Variants in GPR89A observed in about 807,000 individuals in gnomAD.
GPR89A encodes the protein golgi pH regulator A.
A neutral mutation model predicts 52.0 loss-of-function variants in GPR89A; 16 were observed. The observed-to-expected ratio is 0.31, with a 90% CI of 0.21 to 0.47. The LOEUF (loss-of-function observed/expected upper bound fraction) is 0.47, where lower values mean the gene tolerates loss of function less well. GPR89A is among the 20% of genes least tolerant of loss of function. The pLI is 1.00. For missense variants in GPR89A, 135 were observed against 449.4 expected (o/e 0.30, Z 6.33); for synonymous variants, 55 against 150.9 (o/e 0.36, Z 4.66).
At chr1:145,610,085 C>G (rs1553685856) in intron 1 of GPR89A, among the ~76,000 whole-genome samples, 4 of 152,012 alleles carry the variant, frequency 2.6e-5, no homozygotes, top group East Asian at 1.9e-4. Context: ...CTTGTTCTCT[C>G]CTGTATTCAC....
chr1:145,640,245 C>A, intron 7 of GPR89A, among the ~76,000 whole-genome samples: 2 of 62,398 alleles, frequency 3.2e-5, no homozygotes, highest in Admixed American at 2.1e-4. Context: ...AGATAATAGA[C>A]TAAAATGTAA....
intron 10 of GPR89A, among the ~76,000 whole-genome samples, chr1:145,649,616 G>T (rs1317677557): frequency 6.6e-6 from 1 of 152,116 alleles, no homozygotes; most frequent in African/African-American, 2.4e-5. Flanking sequence ...GAACACTTGT[G>T]TACAATTTTG....
intron 11 of GPR89A, among the ~76,000 whole-genome samples, chr1:145,664,632 AGAGT>A (rs1218488421): frequency 1.3e-5 from 2 of 148,200 alleles, no homozygotes; most frequent in African/African-American, 2.5e-5. Context: ...TCTGGGCGAC[AGAGT>A]GAGACCCCTG....
chr1:145,623,348 A>G, intron 4 of GPR89A, 188 bp downstream of exon 4: 1 of 591,876 alleles, frequency 1.7e-6, no homozygotes, highest in Non-Finnish European at 2.9e-6. Context: ...TAAATATTGA[A>G]TGAATGATTA....
At chr1:145,627,273 A>G (rs1649576644) in intron 5 of GPR89A, among the ~76,000 whole-genome samples, 2 of 152,032 alleles carry the variant, frequency 1.3e-5, no homozygotes, top group Middle Eastern at 3.4e-3. Flanking sequence ...ATATGTAATA[A>G]AAGGACAAAG....
chr1:145,658,287 C>T (rs1651951305), intron 10 of GPR89A, among the ~76,000 whole-genome samples: 2 of 150,202 alleles, frequency 1.3e-5, no homozygotes, highest in Non-Finnish European at 3.0e-5. Flanking sequence ...TTTTAAGGTA[C>T]ATCCATGTCA....
chr1:145,655,408 G>A (rs1553694343), intron 10 of GPR89A, among the ~76,000 whole-genome samples: 2 of 151,304 alleles, frequency 1.3e-5, no homozygotes, highest in African/African-American at 4.9e-5. Context: ...CACCGTTTTT[G>A]TGTTGATTCT....
intron 10 of GPR89A, among the ~76,000 whole-genome samples, chr1:145,661,887 CTT>C (rs1652227392): frequency 6.7e-6 from 1 of 148,954 alleles, no homozygotes; most frequent in African/African-American, 2.5e-5. Flanking sequence ...TTGATTTCTT[CTT>C]TGATTCATGG....
intron 7 of GPR89A, among the ~76,000 whole-genome samples, chr1:145,634,907 G>A (rs1650117911): frequency 6.6e-6 from 1 of 151,848 alleles, no homozygotes; most frequent in Non-Finnish European, 1.5e-5. Flanking sequence ...TAGATGCTAG[G>A]GATAGAATGA....
At chr1:145,622,924 T>C in intron 3 of GPR89A, 130 bp from the exon 4 acceptor site, 5 of 1,418,168 alleles carry the variant, frequency 3.5e-6, no homozygotes, top group Non-Finnish European at 4.8e-6. Context: ...TTTAAGAGCC[T>C]AGTAGGCTGA....
At chr1:145,657,960 GAACATTTTTATC>G (rs1651922634) in intron 10 of GPR89A, among the ~76,000 whole-genome samples, 1 of 151,426 alleles carries the variant, frequency 6.6e-6, no homozygotes, top group African/African-American at 2.4e-5. Flanking sequence ...ATCAATTTTT[GAACATTTTTATC>G]AAGCCAAAAA....
At chr1:145,608,204 C>T (rs376536359) in intron 1 of GPR89A, 29 bp downstream of exon 1, 5 of 1,613,778 alleles carry the variant, frequency 3.1e-6, no homozygotes, top group Non-Finnish European at 4.2e-6. Context: ...CCCCGACACC[C>T]GTCCGCCTCC....
intron 1 of GPR89A, among the ~76,000 whole-genome samples, chr1:145,615,310 C>T (rs1648593998): frequency 6.6e-6 from 1 of 152,056 alleles, no homozygotes; most frequent in Admixed American, 6.6e-5. Flanking sequence ...GTCTCAACTC[C>T]TCTCCCCTGA....
chr1:145,655,140 C>A (rs1651724753), intron 10 of GPR89A, among the ~76,000 whole-genome samples: 1 of 149,780 alleles, frequency 6.7e-6, no homozygotes, highest in Non-Finnish European at 1.5e-5. Context: ...TTTTCAGCTC[C>A]ATCACATTGT....
At chr1:145,617,670 G>A (rs1480134580) in intron 2 of GPR89A, among the ~76,000 whole-genome samples, 9 of 151,970 alleles carry the variant, frequency 5.9e-5, no homozygotes, top group East Asian at 1.9e-4. Flanking sequence ...CTTCTGCTGC[G>A]GCTTCAGCCA....
At position 145,647,408 on chromosome 1, in the gene GPR89A, T is replaced by C. The variant is rs1651072454; in HGVS notation, c.909+141T>C. 3.5e-6 allele frequency: 4 copies of C among 1,129,652 alleles called. No homozygotes were observed. In the East Asian group the frequency reaches 7.7e-5, roughly 22 times the overall value. 70.0% of individuals were successfully genotyped at this position (1,129,652 alleles called of 1,614,324 possible). ...CAGAGAGCATGATCTTCCACATCTC[T>C]GGGCTTCATTCGTTATCCTCTCTCC... On this transcript the variant is annotated intron_variant, in intron 10 of 13. Transcript: ENST00000313835.
At chr1:145,632,116 AT>A (rs1318076816) in intron 7 of GPR89A, among the ~76,000 whole-genome samples, 3 of 150,132 alleles carry the variant, frequency 2.0e-5, no homozygotes, top group Admixed American at 6.7e-5. Flanking sequence ...AATTATTAGA[AT>A]TTTTTTGTTT....
chr1:145,613,479 A>AT (rs1194383412), intron 1 of GPR89A, among the ~76,000 whole-genome samples: 1 of 152,116 alleles, frequency 6.6e-6, no homozygotes, highest in Non-Finnish European at 1.5e-5. Context: ...ACCGCTCTAT[A>AT]TAATATAAAA....
intron 10 of GPR89A, among the ~76,000 whole-genome samples, chr1:145,659,778 C>T (rs1652066769): frequency 1.6e-5 from 2 of 128,926 alleles, no homozygotes; most frequent in African/African-American, 3.1e-5. Context: ...TCCTTATGAA[C>T]TTTAAAGTAG....
Sources: gnomAD v4.1 joint callset for allele counts (sites outside exome capture counted in the v4.1 genomes callset) on GRCh38, gnomAD v4.1.1 for gene constraint, MANE v1.5 for transcripts, NCBI Gene and HGNC (gene_info 2026-07-23, HGNC 2026-07-21) for gene names.